SLC45A4: variants seen among roughly 807,000 people sequenced by gnomAD.
SLC45A4 encodes the protein polyamine-transporter SLC45A4.
SLC45A4 carries 32 observed loss-of-function variants against 63.7 expected under a neutral mutation model. That is an observed-to-expected ratio of 0.50 (90% confidence interval 0.38 to 0.67). The LOEUF (loss-of-function observed/expected upper bound fraction) is 0.67, where lower values mean the gene tolerates loss of function less well. Among genes scored for constraint, SLC45A4 ranks in the 30% least tolerant of loss-of-function variants. SLC45A4 has a pLI of 0.00. For missense variants in SLC45A4, 1,027 were observed against 1,157.7 expected, an observed-to-expected ratio of 0.89 and a Z score of 1.64; for synonymous variants, 535 against 510.0, an observed-to-expected ratio of 1.05 and a Z score of -0.66.
At chr8:141,249,495 C>T (rs1399983218) in intron 2 of SLC45A4, among the ~76,000 whole-genome samples, 1 of 152,196 alleles carries the variant, frequency 6.6e-6, no homozygotes, top group East Asian at 1.9e-4. Flanking sequence ...ATTCCAGTTA[C>T]ATCAATTCCC....
intron 2 of SLC45A4, among the ~76,000 whole-genome samples, chr8:141,251,290 T>C (rs2043423): frequency 1 from 151,767 of 152,314 alleles, 75,613 homozygotes; most frequent in East Asian, 1. Context: ...CGAAAGTGGT[T>C]CTTCAGTTCC....
In SLC45A4 at chr8:141,215,482, G is replaced by A. The variant is rs1826082780; in HGVS notation, c.1941+277C>T. On this transcript the variant is annotated intron_variant, in intron 7 of 8. Coordinates refer to ENST00000517878, the MANE Select transcript of SLC45A4 (RefSeq NM_001286646.2). The surrounding 1 kb of genome is among the most constrained non-coding windows in gnomAD (Gnocchi z 4.3). ...CAGGGAAATGTGACTGGGCCTGAGG[G>A]GACCAAAGGGGCAGGGACAGTGCTT... Among the ~76,000 whole-genome samples the A allele has an allele frequency of 1.3e-5, 2 of 152,128 alleles. No individual in the cohort carries two copies. The highest frequency in any genetic ancestry group is 4.2e-4 in the South Asian group (2 of 4,818).
At chr8:141,287,354 T>C (rs538167319) in intron 1 of SLC45A4, among the ~76,000 whole-genome samples, 44 of 152,362 alleles carry the variant, frequency 2.9e-4, no homozygotes, top group Non-Finnish European at 4.4e-4. Context: ...TCTGATGCTC[T>C]GATAGGTGAG....
At chr8:141,253,929 C>T (rs1427595082) in intron 2 of SLC45A4, 60 bp downstream of exon 2, 20 of 1,523,096 alleles carry the variant, frequency 1.3e-5, no homozygotes, top group Admixed American at 7.9e-5. Flanking sequence ...ATCAGAGCCA[C>T]GCCCAGTCCG....
intron 2 of SLC45A4, among the ~76,000 whole-genome samples, chr8:141,240,501 C>T (rs80114788): frequency 0.023 from 3,502 of 152,280 alleles, 272 homozygotes; most frequent in East Asian, 0.21. Flanking sequence ...GACTCAGAGA[C>T]TGGGGGCTGG....
At chr8:141,290,091 A>T (rs1050790650) in intron 1 of SLC45A4, among the ~76,000 whole-genome samples, 1 of 152,216 alleles carries the variant, frequency 6.6e-6, no homozygotes, top group Non-Finnish European at 1.5e-5. Context: ...ATCATTATAC[A>T]TCATATGTAT....
In SLC45A4 at chr8:141,215,674, C is replaced by T; in HGVS notation, c.1941+85G>A. On this transcript the variant is annotated intron_variant, in intron 7 of 8. Coordinates refer to ENST00000517878, the MANE Select transcript of SLC45A4 (RefSeq NM_001286646.2). The surrounding 1 kb of genome is among the most constrained non-coding windows in gnomAD (Gnocchi z 4.3). ...GGCCATCTGTGTCGTGAACGTCCCC[C>T]CGGGGAAGCACAGGGCTCTGCTCTG... The T allele has an allele frequency of 7.1e-7, 1 of 1,418,074 alleles. No individual in the cohort carries two copies. The allele number at this position is 1,418,074 out of a possible 1,614,324, so 87.8% of individuals were successfully genotyped here.
intron 2 of SLC45A4, among the ~76,000 whole-genome samples, chr8:141,242,333 T>C (rs1161966750): frequency 6.6e-6 from 1 of 152,214 alleles, no homozygotes; most frequent in East Asian, 1.9e-4. Context: ...CCGTGATTTT[T>C]AAATTTCTTA....
rs139306241 is a variant in SLC45A4 at position 141,219,803 on chromosome 8, G to A, written c.457C>T (p.Arg153Trp). ...IGLALGDVPN[R>W]QPIGIVLTVL... The stretch of plus-strand genomic sequence containing the variant: ...GTGAGCACGATGCCAATGGGCTGCC[G>A]GTTGGGGACATCGCCGAGGGCCAGA... Residue 153 changes from arginine (R) to tryptophan (W), a missense_variant, in exon 4 of 9, where the codon CGG (arginine) becomes TGG (tryptophan). Transcript: ENST00000517878. 312 of 1,590,352 alleles carry A rather than the reference G, an allele frequency of 2.0e-4. No individual in the cohort carries two copies. The highest frequency in any genetic ancestry group is 2.3e-4 in the Non-Finnish European group (271 of 1,169,426).
At chr8:141,272,062 A>G (rs192897882) in intron 1 of SLC45A4, among the ~76,000 whole-genome samples, 52 of 152,328 alleles carry the variant, frequency 3.4e-4, no homozygotes, top group East Asian at 1.2e-3. Flanking sequence ...ACACCTGCGC[A>G]CACACATCCA....
intron 1 of SLC45A4, among the ~76,000 whole-genome samples, chr8:141,264,711 G>A (rs574228330): frequency 1.4e-4 from 21 of 152,244 alleles, no homozygotes; most frequent in African/African-American, 5.1e-4. Context: ...TGACGCCTTC[G>A]GGGAGAACTT....
intron 2 of SLC45A4, among the ~76,000 whole-genome samples, chr8:141,237,706 G>A (rs910547948): frequency 2.0e-4 from 30 of 152,144 alleles, no homozygotes; most frequent in African/African-American, 6.7e-4. Context: ...TCCCTGGAGC[G>A]AGTGCTCAGC....
At chr8:141,216,821 A>C (rs1372107120) in intron 6 of SLC45A4, among the ~76,000 whole-genome samples, 1 of 152,206 alleles carries the variant, frequency 6.6e-6, no homozygotes, top group Non-Finnish European at 1.5e-5. Flanking sequence ...TTGACGTGGG[A>C]CAGCATCATG....
chr8:141,271,652 C>T (rs551331122), intron 1 of SLC45A4, among the ~76,000 whole-genome samples: 6 of 152,314 alleles, frequency 3.9e-5, no homozygotes, highest in African/African-American at 9.6e-5. Flanking sequence ...CACCAGACAC[C>T]GTTCTATCCC....
At chr8:141,237,517 GTACT>G (rs1236861596) in intron 2 of SLC45A4, among the ~76,000 whole-genome samples, 1 of 152,110 alleles carries the variant, frequency 6.6e-6, no homozygotes, top group East Asian at 1.9e-4. Context: ...CTGTTCCCCT[GTACT>G]CCATGCTTAC....
intron 2 of SLC45A4, chr8:141,224,624 G>C (rs1041606242): frequency 6.6e-6 from 1 of 152,228 alleles, no homozygotes; most frequent in African/African-American, 2.4e-5. Context: ...GCTAATTTTT[G>C]TATTTTTTGT....
At chr8:141,246,241 C>G (rs112642062) in intron 2 of SLC45A4, among the ~76,000 whole-genome samples, 4 of 152,286 alleles carry the variant, frequency 2.6e-5, no homozygotes, top group African/African-American at 9.6e-5. Context: ...ACAGAATATT[C>G]TGAGCACGTG....
At position 141,219,827 on chromosome 8, in the gene SLC45A4, G is replaced by C. The variant is rs1428738884; in HGVS notation, c.433C>G (p.Leu145Val). The change falls in exon 4 of 9, where the codon CTG becomes GTG. Residue 145 changes from leucine (L) to valine (V), a missense_variant and splice_region_variant. By Grantham distance (32) the Leu-to-Val change is conservative. Transcript: ENST00000517878. ...CGGTTGGGGACATCGCCGAGGGCCA[G>C]ACCTGCGCAGAGCACACGGGAGGGC... ...ALFLNGSAIG[L>V]ALGDVPNRQP... 2 of 1,575,990 alleles carry C rather than the reference G, an allele frequency of 1.3e-6. No individual in the cohort carries two copies. The highest frequency in any genetic ancestry group is 1.7e-6 in the Non-Finnish European group (2 of 1,162,308).
intron 1 of SLC45A4, among the ~76,000 whole-genome samples, chr8:141,279,485 G>A (rs992485781): frequency 6.6e-6 from 1 of 152,214 alleles, no homozygotes; most frequent in African/African-American, 2.4e-5. Context: ...TTTCACATAC[G>A]TTGCAAGTCT....
Sources: allele counts gnomAD v4.1 joint callset (sites outside exome capture counted in the v4.1 genomes callset), GRCh38; gene constraint gnomAD v4.1.1; non-coding constraint Gnocchi (gnomAD v3.1); transcripts MANE v1.5; gene names NCBI Gene and HGNC (gene_info 2026-07-23, HGNC 2026-07-21).